LUC7L: variants seen among roughly 807,000 people sequenced by gnomAD.
LUC7L encodes LUC7 like, also known as putative RNA-binding protein Luc7-like 1.
In LUC7L, 29 loss-of-function variants were observed where a neutral mutation model predicts 51.1. The ratio of observed to expected loss-of-function variants is 0.57; its 90% CI spans 0.42 to 0.77. The LOEUF is 0.77. Among genes scored for constraint, LUC7L ranks in the 30% least tolerant of loss-of-function variants. The pLI is 0.00. For missense variants in LUC7L, 403 were observed against 511.9 expected, an observed-to-expected ratio of 0.79 and a Z score of 2.05; for synonymous variants, 181 against 180.7, an observed-to-expected ratio of 1.00 and a Z score of -0.01.
intron 9 of LUC7L, 96 bp from the exon 10 acceptor site, chr16:189,435 A>G: frequency 6.8e-7 from 1 of 1,474,282 alleles, no homozygotes; most frequent in Non-Finnish European, 9.0e-7. Flanking sequence ...AGGCCAGGCA[A>G]GGCCCTACAT....
chr16:196,259 T>A (rs140991616), intron 6 of LUC7L, among the ~76,000 whole-genome samples: 3 of 151,820 alleles, frequency 2.0e-5, no homozygotes, highest in African/African-American at 7.3e-5. Context: ...AACACAAAAA[T>A]GAGCCAGGCA....
intron 3 of LUC7L, among the ~76,000 whole-genome samples, chr16:213,325 T>C (rs975262439): frequency 1.3e-5 from 2 of 151,862 alleles, no homozygotes; most frequent in Non-Finnish European, 2.9e-5. Flanking sequence ...GGATCCTGGG[T>C]AGAAATGTGC....
Position 189,030 on chromosome 16 carries a change from G to C in LUC7L, c.*168C>G. 1 of 711,154 alleles carries C rather than the reference G, an allele frequency of 1.4e-6. No homozygotes were observed. The highest frequency in any genetic ancestry group is 2.3e-6 in the Non-Finnish European group (1 of 434,176). The allele number at this position is 711,154 out of a possible 1,614,324, so 44.1% of individuals were successfully genotyped here. On this transcript the variant is annotated 3_prime_UTR_variant, in exon 10 of 10. Transcript: ENST00000293872. ...AGATTTATTTATTCCTACTCAACAT[G>C]ACCCGGGAACACAGGAGCAACTCTG... is the stretch of plus-strand genomic sequence containing the variant.
intron 5 of LUC7L, among the ~76,000 whole-genome samples, chr16:205,753 C>A (rs2049466461): frequency 6.6e-6 from 1 of 152,142 alleles, no homozygotes; most frequent in Non-Finnish European, 1.5e-5. Flanking sequence ...CCATGCCCGG[C>A]TAATTTTTTT....
At chr16:213,784 G>A (rs2049710646) in intron 3 of LUC7L, among the ~76,000 whole-genome samples, 1 of 151,042 alleles carries the variant, frequency 6.6e-6, no homozygotes, top group Non-Finnish European at 1.5e-5. Flanking sequence ...GCGCAATCTC[G>A]GCTCACCGCA....
chr16:228,747 G>T (rs772466553), intron 1 of LUC7L: 11 of 1,262,832 alleles, frequency 8.7e-6, no homozygotes, highest in Non-Finnish European at 1.0e-5. Context: ...CCTGTGTGCT[G>T]GGGGGAAGGG....
intron 9 of LUC7L, 67 bp from the exon 10 acceptor site, chr16:189,406 G>A: frequency 1.3e-6 from 2 of 1,537,170 alleles, no homozygotes; most frequent in Non-Finnish European, 1.7e-6. Flanking sequence ...CTCAGGCACT[G>A]ACGATGGACC....
intron 1 of LUC7L, 91 bp downstream of exon 1, chr16:229,188 C>G: frequency 1.3e-6 from 2 of 1,494,892 alleles, no homozygotes; most frequent in Middle Eastern, 2.4e-4. Flanking sequence ...CAGGCGCAGG[C>G]GCAGACGATC....
chr16:228,209 C>T (rs541010498), intron 1 of LUC7L: 22 of 1,284,162 alleles, frequency 1.7e-5, no homozygotes, highest in Non-Finnish European at 2.3e-5. Flanking sequence ...TTGCAAGCAT[C>T]CAGGATTAAT....
At chr16:223,826 C>T (rs912482690) in intron 2 of LUC7L, among the ~76,000 whole-genome samples, 4 of 151,962 alleles carry the variant, frequency 2.6e-5, no homozygotes, top group African/African-American at 7.3e-5. Flanking sequence ...CACGCCACCA[C>T]GCCCGGCTAA....
intron 4 of LUC7L, 26 bp downstream of exon 4, chr16:208,052 C>A (rs964691224): frequency 1.3e-6 from 2 of 1,527,026 alleles, no homozygotes; most frequent in African/African-American, 2.8e-5. Flanking sequence ...AAGAACACAC[C>A]AGACACCGAA....
At chr16:215,143 T>C (rs1416544515) in intron 3 of LUC7L, among the ~76,000 whole-genome samples, 1 of 152,116 alleles carries the variant, frequency 6.6e-6, no homozygotes, top group East Asian at 1.9e-4. Context: ...CATTTTCACA[T>C]ATCCTTAAGA....
chr16:217,891 T>A (rs538629971), intron 3 of LUC7L, among the ~76,000 whole-genome samples: 21 of 150,232 alleles, frequency 1.4e-4, no homozygotes, highest in Non-Finnish European at 2.7e-4. Flanking sequence ...ATATAAAAAT[T>A]AGCTGGGCGT....
intron 7 of LUC7L, chr16:190,772 C>T: frequency 1.8e-6 from 1 of 568,018 alleles, no homozygotes; most frequent in South Asian, 2.4e-5. Context: ...CCCAGCTACT[C>T]AGGAGACTGA....
rs1442886393 is a variant in LUC7L, at chr16:208,100, A to G, written c.344T>C (p.Ile115Thr). The change falls in exon 4 of 10, where the codon ATC (isoleucine) becomes ACC (threonine). Residue 115 changes from isoleucine (I) to threonine (T), a missense_variant. By Grantham distance (89) the Ile-to-Thr change is moderately conservative. Around this residue, in one of 3 missense-constraint regions of LUC7L, gnomAD observed 182 missense variants for 248.4 expected, o/e 0.73. Coordinates refer to ENST00000293872, the MANE Select transcript of LUC7L (RefSeq NM_201412.3). ...TACCTTTGCAGAAACTTCCGCACTG[A>G]TTTCCTCCTGTGTTTCTGCCAGCCG... Reference protein sequence around the residue: ...KKRLAETQEEISAEVSAKAEK... With the variant: ...KKRLAETQEETSAEVSAKAEK... The G allele has an allele frequency of 6.2e-7, 1 of 1,613,390 alleles. No individual in the cohort carries two copies. Among genetic ancestry groups the G allele is most frequent in the Non-Finnish European group, 8.5e-7 (1 of 1,179,732 alleles).
At chr16:199,320 A>G (rs1387571393) in intron 5 of LUC7L, 82 bp from the exon 6 acceptor site, 12 of 892,302 alleles carry the variant, frequency 1.3e-5, no homozygotes, top group South Asian at 7.0e-5. Flanking sequence ...AAAATATTTG[A>G]TAAGATGACA....
intron 6 of LUC7L, among the ~76,000 whole-genome samples, chr16:197,129 A>G (rs1222632512): frequency 6.8e-6 from 1 of 147,608 alleles, no homozygotes; most frequent in Non-Finnish European, 1.5e-5. Context: ...GATGGTCTCA[A>G]TCTCCTGACC....
intron 5 of LUC7L, among the ~76,000 whole-genome samples, chr16:204,711 G>A (rs574791168): frequency 1.7e-4 from 26 of 152,182 alleles, no homozygotes; most frequent in African/African-American, 4.3e-4. Context: ...TGAATTGTCC[G>A]TCTGAAATGG....
chr16:223,336 G>A lies in LUC7L; in HGVS notation c.157-2589C>T, dbSNP rs529825733. On this transcript the variant is annotated intron_variant, in intron 2 of 9. Transcript: ENST00000293872. ...TGCACTCCAGCCTGAGCGACAGAGC[G>A]AGACTCCGTCTCAAAAAAATAAAAT... is the stretch of plus-strand genomic sequence containing the variant. Among the ~76,000 whole-genome samples, 497 of 152,112 alleles carry A rather than the reference G, an allele frequency of 3.3e-3. 1 individual carries two copies. Among genetic ancestry groups the A allele is most frequent in the African/African-American group, 0.011 (466 of 41,498 alleles).
Sources: allele counts gnomAD v4.1 joint callset (sites outside exome capture counted in the v4.1 genomes callset), GRCh38; gene constraint gnomAD v4.1.1; regional missense constraint gnomAD v4.1.1; transcripts MANE v1.5; gene names NCBI Gene and HGNC (gene_info 2026-07-23, HGNC 2026-07-21).